Variants in RNPEPL1 observed in about 807,000 individuals in gnomAD.
RNPEPL1 encodes arginyl aminopeptidase like 1.
A neutral mutation model predicts 69.0 loss-of-function variants in RNPEPL1; 46 were observed. The ratio of observed to expected loss-of-function variants is 0.67; its 90% CI spans 0.53 to 0.85. RNPEPL1 has a LOEUF of 0.85. Ranked by LOEUF, RNPEPL1 falls within the 40% of genes least tolerant of loss-of-function variation. The pLI, the probability that RNPEPL1 is intolerant of heterozygous loss-of-function variation, is 0.00. For missense variants in RNPEPL1, 869 were observed against 992.5 expected, an observed-to-expected ratio of 0.88 and a Z score of 1.67; for synonymous variants, 525 against 454.1, an observed-to-expected ratio of 1.16 and a Z score of -1.98.
Position 240,574,199 on chromosome 2 carries a change from A to G in RNPEPL1, c.1025A>G (p.Glu342Gly). ...CLTFIISSIL[E>G]SDEFLVIDVI... ...ACCTTCATCATCTCCTCCATCCTGG[A>G]GAGCGATGAGTTCCTGGTCATCGAT... Residue 342 changes from glutamate (E) to glycine (G), a missense_variant, in exon 5 of 11, where the codon GAG (glutamate) becomes GGG (glycine). By Grantham distance (98) the Glu-to-Gly change is moderately conservative. Transcript: ENST00000270357. 1.9e-6 allele frequency: 3 copies of G among 1,613,268 alleles called. No homozygotes were observed. Among genetic ancestry groups the G allele is most frequent in the Non-Finnish European group, 2.5e-6 (3 of 1,179,898 alleles).
Position 240,578,001 on chromosome 2 carries a change from C to T in RNPEPL1, c.*109C>T. ...CTCTGGCCATGAGCTCTGCCCAGGCCCACAAGCCCCTCCCCTGGGCTCTCC... is the reference window on the plus strand; with the variant it reads ...CTCTGGCCATGAGCTCTGCCCAGGCTCACAAGCCCCTCCCCTGGGCTCTCC... On this transcript the variant is annotated 3_prime_UTR_variant, in exon 11 of 11. Coordinates refer to ENST00000270357, the MANE Select transcript of RNPEPL1 (RefSeq NM_018226.6). 1 of 1,132,544 alleles carries T rather than the reference C, an allele frequency of 8.8e-7. No homozygotes were observed. Among genetic ancestry groups the T allele is most frequent in the East Asian group, 2.8e-5 (1 of 36,002 alleles). 70.2% of individuals were successfully genotyped at this position (1,132,544 alleles called of 1,614,324 possible). A position where few individuals can be genotyped will look rare whatever the true frequency, so the allele number is the denominator to read the frequency against.
Position 240,575,595 on chromosome 2 carries a change from G to C in RNPEPL1, c.1495G>C (p.Val499Leu), listed in dbSNP as rs141589563. 1 of 1,613,192 alleles carries C rather than the reference G, an allele frequency of 6.2e-7. No homozygotes were observed. Among genetic ancestry groups the C allele is most frequent in the East Asian group, 2.2e-5 (1 of 44,892 alleles). ...CTTCCCGGAGCTGAAGGAGCAGAGC[G>C]TGGACTGCCGGGCAGGTGAGGCTGA... ...SFFPELKEQS[V>L]DCRAGLEFER... The change falls in exon 8 of 11, where the codon GTG becomes CTG. Residue 499 changes from valine to leucine, a missense_variant. By Grantham distance (32) the Val-to-Leu change is conservative. Transcript: ENST00000270357.
rs530642775 is a variant in RNPEPL1, at chr2:240,579,570, G to A, written c.*1678G>A. 1 of 152,330 alleles carries A rather than the reference G, an allele frequency of 6.6e-6. No homozygotes were observed. The highest frequency in any genetic ancestry group is 6.5e-5 in the Admixed American group (1 of 15,300). 9.4% of individuals were successfully genotyped at this position (152,330 alleles called of 1,614,324 possible). A position where few individuals can be genotyped will look rare whatever the true frequency, so the allele number is the denominator to read the frequency against. On this transcript the variant is annotated 3_prime_UTR_variant, in exon 11 of 11. Transcript: ENST00000270357. ...ACTGCAGTAACCCCTGTGAAAGCGG[G>A]TATGGAGGGCACCTGGCAGCCCCTG... is the stretch of plus-strand genomic sequence containing the variant.
Position 240,575,504 on chromosome 2 carries a change from C to T in RNPEPL1, c.1404C>T (p.Ala468=). ...GAGGCCCCACCTCTGCCACACAGGCCTATGTGGAGAAGTACAAGTTCACCA... is the reference window on the plus strand; with the variant it reads ...GAGGCCCCACCTCTGCCACACAGGCTTATGTGGAGAAGTACAAGTTCACCA... ...DPQRFDDFLR[A]YVEKYKFTSV... The change falls in exon 8 of 11, where the codon GCC becomes GCT. Residue 468 remains alanine (A), a splice_region_variant and synonymous_variant. Transcript: ENST00000270357. 6.2e-7 allele frequency: 1 copy of T among 1,613,078 alleles called. No individual in the cohort carries two copies. Among genetic ancestry groups the T allele is most frequent in the African/African-American group, 1.3e-5 (1 of 75,056 alleles).
intron 4 of RNPEPL1, 61 bp downstream of exon 4, chr2:240,573,952 T>A (rs2093030205): frequency 6.8e-7 from 1 of 1,474,028 alleles, no homozygotes; most frequent in Non-Finnish European, 9.3e-7. Flanking sequence ...GGGGAGCCCC[T>A]CGTCTGACCC....
chr2:240,569,307 A>T (rs1440513295), intron 1 of RNPEPL1, 193 bp downstream of exon 1: 3 of 561,924 alleles, frequency 5.3e-6, no homozygotes, highest in Non-Finnish European at 8.5e-6. Flanking sequence ...CTGCGGGGAC[A>T]CGGGACAGCA....
rs1454700372 is a variant in RNPEPL1, at chr2:240,568,537, C to T, written c.-50C>T. ...CCGCCGCCGCCCGGCGCCCCTCGCC[C>T]GCGGCCCGGCGCGGCCGCCGCCCAT... On this transcript the variant is annotated 5_prime_UTR_variant, in exon 1 of 11. Transcript: ENST00000270357. This position sits in a 1 kb window ranked among gnomAD's most constrained non-coding sequence, Gnocchi z 6.2. 3.3e-6 allele frequency: 3 copies of T among 914,866 alleles called. No homozygotes were observed. Among genetic ancestry groups the T allele is most frequent in the South Asian group, 4.8e-5 (1 of 20,754 alleles). 56.7% of individuals were successfully genotyped at this position (914,866 alleles called of 1,614,324 possible).
At chr2:240,575,803 C>T in intron 8 of RNPEPL1, 193 bp downstream of exon 8, 1 of 588,200 alleles carries the variant, frequency 1.7e-6, no homozygotes, top group South Asian at 2.0e-5. Flanking sequence ...TTGGGGGCCT[C>T]CCTGGGGCCG....
rs757067738 is a variant in RNPEPL1 at position 240,575,157 on chromosome 2, G to A, written c.1401+15G>A. ...ACTTTCTCCGAGTGAGCAGCCCCCT[G>A]CCCGGGACGGCCCTGCTGCCATCTG... On this transcript the variant is annotated intron_variant, in intron 7 of 10. Transcript: ENST00000270357. 4 of 1,593,548 alleles carry A rather than the reference G, an allele frequency of 2.5e-6. No homozygotes were observed. The highest frequency in any genetic ancestry group is 1.3e-5 in the African/African-American group (1 of 74,602).
In RNPEPL1 at chr2:240,578,352, T is replaced by TA. The variant is rs2093043979; in HGVS notation, c.*460_*461insA. On this transcript the variant is annotated 3_prime_UTR_variant, in exon 11 of 11. Coordinates refer to ENST00000270357, the MANE Select transcript of RNPEPL1 (RefSeq NM_018226.6). ...CCCGCACAGCCCTGCACCCCGCCCC[T>TA]GGGGTTGGCAGCCTCAGTTGGCCCC... The TA allele has an allele frequency of 6.4e-6, 1 of 155,578 alleles. No homozygotes were observed. The highest frequency in any genetic ancestry group is 2.4e-5 in the African/African-American group (1 of 41,554). The allele number at this position is 155,578 out of a possible 1,614,324, so 9.6% of individuals were successfully genotyped here.
At position 240,568,731 on chromosome 2, in the gene RNPEPL1, G is replaced by T; in HGVS notation, c.145G>T (p.Glu49Ter). Reference sequence around the variant, plus strand: ...CCTCCGCCACCTGCAGCTGGGCCTGGAGCTGCGGCCCGAGGCGCGCGAGTT... The same window carrying T: ...CCTCCGCCACCTGCAGCTGGGCCTGTAGCTGCGGCCCGAGGCGCGCGAGTT... ...FRLRHLQLGL[E>*]LRPEARELAG... Residue 49 changes from glutamate to a stop codon, truncating the protein, a stop_gained, in exon 1 of 11, where the codon GAG becomes TAG. Transcript: ENST00000270357. LOFTEE classifies it high-confidence loss of function. The surrounding 1 kb of genome is among the most constrained non-coding windows in gnomAD (Gnocchi z 6.2). 9.3e-7 allele frequency: 1 copy of T among 1,069,574 alleles called. No homozygotes were observed. Among genetic ancestry groups the T allele is most frequent in the South Asian group, 3.0e-5 (1 of 33,588 alleles). 66.3% of individuals were successfully genotyped at this position (1,069,574 alleles called of 1,614,324 possible).
At chr2:240,573,324 T>C (rs2093027861) in intron 3 of RNPEPL1, 63 bp downstream of exon 3, 10 of 1,495,104 alleles carry the variant, frequency 6.7e-6, no homozygotes, top group African/African-American at 4.2e-5. Flanking sequence ...CCACCGGGGG[T>C]CTGTGGCCTG....
chr2:240,575,673 G>C (rs1163251811), intron 8 of RNPEPL1, 63 bp downstream of exon 8: 3 of 1,306,616 alleles, frequency 2.3e-6, no homozygotes, highest in Non-Finnish European at 3.3e-6. Flanking sequence ...CGGGGCCTCT[G>C]CTGCCTGAGG....
intron 2 of RNPEPL1, 44 bp from the exon 3 acceptor site, chr2:240,573,066 T>C: frequency 6.5e-7 from 1 of 1,544,710 alleles, no homozygotes; most frequent in Non-Finnish European, 8.8e-7. Flanking sequence ...GCTATGGGTG[T>C]GCTGACGGTG....
At position 240,576,945 on chromosome 2, in the gene RNPEPL1, C is replaced by T. The variant is rs1425974905; in HGVS notation, c.1839C>T (p.Asp613=). 3 of 1,613,402 alleles carry T rather than the reference C, an allele frequency of 1.9e-6. No homozygotes were observed. Among genetic ancestry groups the T allele is most frequent in the Admixed American group, 1.7e-5 (1 of 60,016 alleles). ...IRWLQIVVRN[D]YYPDLHRVRR... Reference sequence around the variant, plus strand: ...GGCTGCAGATTGTGGTCCGCAACGACTACTATCCTGACCTCCACAGGGTGC... The same window carrying T: ...GGCTGCAGATTGTGGTCCGCAACGATTACTATCCTGACCTCCACAGGGTGC... Residue 613 remains aspartate (D), a synonymous_variant, in exon 10 of 11, where the codon GAC becomes GAT. Coordinates refer to ENST00000270357, the MANE Select transcript of RNPEPL1 (RefSeq NM_018226.6).
intron 2 of RNPEPL1, 129 bp from the exon 3 acceptor site, chr2:240,572,981 C>G (rs550216806): frequency 1.4e-5 from 16 of 1,134,286 alleles, no homozygotes; most frequent in Non-Finnish European, 1.8e-5. Context: ...AGTTCTCTGA[C>G]AGAAACGTTC....
At chr2:240,574,891 G>T in intron 6 of RNPEPL1, 139 bp from the exon 7 acceptor site, 1 of 739,560 alleles carries the variant, frequency 1.4e-6, no homozygotes. Context: ...CACGCCCAGG[G>T]CATCAGTACA....
Position 240,577,002 on chromosome 2 carries a change from T to C in RNPEPL1, c.1884+12T>C. Reference sequence around the variant, plus strand: ...TCCTGGAGAGCCAGGTGCGGTCACCTGCCCAGGGGGCCAGCCTGGAACGGC... The same window carrying C: ...TCCTGGAGAGCCAGGTGCGGTCACCCGCCCAGGGGGCCAGCCTGGAACGGC... On this transcript the variant is annotated intron_variant, in intron 10 of 10. Transcript: ENST00000270357. The C allele has an allele frequency of 1.2e-6, 2 of 1,612,478 alleles. No individual in the cohort carries two copies. Among genetic ancestry groups the C allele is most frequent in the Non-Finnish European group, 1.7e-6 (2 of 1,179,774 alleles).
Position 240,577,955 on chromosome 2 carries a change from C to T in RNPEPL1, c.*63C>T. ...ACAATTGTGCCTTCTGTGGGCCAGG[C>T]CTGCCATGACTGCGTCTCGGCTCTG... On this transcript the variant is annotated 3_prime_UTR_variant, in exon 11 of 11. Coordinates refer to ENST00000270357, the MANE Select transcript of RNPEPL1 (RefSeq NM_018226.6). The T allele has an allele frequency of 2.2e-6, 3 of 1,390,890 alleles. No homozygotes were observed. Among genetic ancestry groups the T allele is most frequent in the Admixed American group, 5.7e-5 (2 of 35,268 alleles). The allele number at this position is 1,390,890 out of a possible 1,614,324, so 86.2% of individuals were successfully genotyped here.
Sources: allele counts gnomAD v4.1 joint callset, GRCh38; gene constraint gnomAD v4.1.1; non-coding constraint Gnocchi (gnomAD v3.1); transcripts MANE v1.5; gene names NCBI Gene and HGNC (gene_info 2026-07-23, HGNC 2026-07-21).